The following SPATA6L variants were observed in gnomAD, a reference collection of about 807,000 sequenced individuals.
The protein encoded by SPATA6L is spermatogenesis associated 6-like protein.
SPATA6L carries 68 observed loss-of-function variants against 49.2 expected under a neutral mutation model. That is an observed-to-expected ratio of 1.38 (90% CI 1.14 to 1.69). SPATA6L has a LOEUF of 1.69. Among genes scored for constraint, SPATA6L ranks in the 40% most tolerant of loss-of-function variants. The pLI, the probability that SPATA6L is intolerant of heterozygous loss-of-function variation, is 0.00. For synonymous variants in SPATA6L, 198 were observed against 165.7 expected, an observed-to-expected ratio of 1.19 and a Z score of -1.50; for missense variants, 668 against 464.3, an observed-to-expected ratio of 1.44 and a Z score of -4.03.
intron 11 of SPATA6L, among the ~76,000 whole-genome samples, chr9:4,602,454 G>A (rs1465365779): frequency 1.3e-5 from 2 of 152,158 alleles, no homozygotes; most frequent in Non-Finnish European, 2.9e-5. Flanking sequence ...AAGGTGGGGA[G>A]CCCTGGCCAT....
At chr9:4,589,901 C>T (rs558097703) in intron 13 of SPATA6L, among the ~76,000 whole-genome samples, 1 of 152,112 alleles carries the variant, frequency 6.6e-6, no homozygotes, top group Non-Finnish European at 1.5e-5. Flanking sequence ...AGAAGCAGGC[C>T]TTGTTAAATT....
downstream of SPATA6L, among the ~76,000 whole-genome samples, chr9:4,595,199 C>T (rs892155533): frequency 5.3e-5 from 8 of 152,164 alleles, no homozygotes; most frequent in Admixed American, 6.5e-5. Flanking sequence ...CCCAGGCCAC[C>T]GGACTTAACC....
At chr9:4,646,595 T>C (rs1308896512) in intron 3 of SPATA6L, 29 of 948,052 alleles carry the variant, frequency 3.1e-5, no homozygotes, top group Non-Finnish European at 3.8e-5. Context: ...AATTATTAAG[T>C]TTTAAACTGT....
chr9:4,625,294 G>A (rs1443919453), intron 6 of SPATA6L, 33 bp downstream of exon 6: 8 of 1,594,216 alleles, frequency 5.0e-6, no homozygotes, highest in East Asian at 2.3e-5. Flanking sequence ...CCTCACTATT[G>A]CAAAATGCTC....
intron 9 of SPATA6L, among the ~76,000 whole-genome samples, chr9:4,615,787 A>G (rs1827846129): frequency 1.3e-5 from 2 of 152,164 alleles, no homozygotes; most frequent in South Asian, 2.1e-4. Context: ...CAGTTGCCCA[A>G]TAACAGCATG....
At chr9:4,648,574 C>A (rs1337933979) in intron 3 of SPATA6L, among the ~76,000 whole-genome samples, 3 of 151,776 alleles carry the variant, frequency 2.0e-5, no homozygotes, top group Non-Finnish European at 4.4e-5. Context: ...GTGGCGGGAG[C>A]CTGTGGTCCC....
At chr9:4,594,567 C>T (rs935177336), downstream of SPATA6L, among the ~76,000 whole-genome samples, 1 of 152,154 alleles carries the variant, frequency 6.6e-6, no homozygotes, top group African/African-American at 2.4e-5. Context: ...GGATCATAAA[C>T]ATTTCTTCTT....
intron 2 of SPATA6L, among the ~76,000 whole-genome samples, chr9:4,659,240 C>G (rs1381428145): frequency 1.3e-5 from 2 of 152,162 alleles, no homozygotes; most frequent in African/African-American, 4.8e-5. Flanking sequence ...GAAAATTGAT[C>G]TTCATCTCCA....
At chr9:4,606,391 T>A (rs1338115730) in intron 9 of SPATA6L, among the ~76,000 whole-genome samples, 1 of 112,172 alleles carries the variant, frequency 8.9e-6, no homozygotes, top group Admixed American at 9.8e-5. Context: ...CAGACTTAAA[T>A]GTCCCTGTCT....
chr9:4,638,057 T>A (rs1175426440), intron 3 of SPATA6L, among the ~76,000 whole-genome samples: 2 of 152,206 alleles, frequency 1.3e-5, no homozygotes, highest in Non-Finnish European at 2.9e-5. Flanking sequence ...AAGATAAATA[T>A]AATCAATGCC....
rs756902395 is a variant in SPATA6L at position 4,662,447 on chromosome 9, C to G, written c.40-411G>C. On this transcript the variant is annotated intron_variant, in intron 1 of 11. Transcript: ENST00000682582. This position sits in a 1 kb window ranked among gnomAD's most constrained non-coding sequence, Gnocchi z 4.9. ...CCGCTTCGAGCAGCAGCAGCAGCCC[C>G]GGCAGCCCAGCCCATGGCGGCGGTG... is the stretch of plus-strand genomic sequence containing the variant. 12 of 1,545,378 alleles carry G rather than the reference C, an allele frequency of 7.8e-6. No homozygotes were observed. The East Asian group carries it at 2.4e-4, about 31-fold the overall frequency.
At chr9:4,615,020 T>C (rs3824441) in intron 9 of SPATA6L, among the ~76,000 whole-genome samples, 12,203 of 152,184 alleles carry the variant, frequency 0.08, 658 homozygotes, top group East Asian at 0.27. Context: ...CTTTGAGTCC[T>C]GGCACTGACT....
At chr9:4,634,306 C>T (rs1005141924) in intron 4 of SPATA6L, among the ~76,000 whole-genome samples, 1 of 152,088 alleles carries the variant, frequency 6.6e-6, no homozygotes, top group East Asian at 1.9e-4. Context: ...TCACATGTAC[C>T]ATGGATTTAA....
At chr9:4,643,238 C>T (rs1834436533) in intron 3 of SPATA6L, among the ~76,000 whole-genome samples, 1 of 152,170 alleles carries the variant, frequency 6.6e-6, no homozygotes, top group South Asian at 2.1e-4. Context: ...AAACTCCTGA[C>T]CTCATGATCC....
rs1320948053 is a variant in SPATA6L at position 4,599,304 on chromosome 9, T to C, written c.*1507A>G. Among the ~76,000 whole-genome samples, 1 of 152,230 alleles carries C rather than the reference T, an allele frequency of 6.6e-6. No homozygotes were observed. Among genetic ancestry groups the C allele is most frequent in the Non-Finnish European group, 1.5e-5 (1 of 68,036 alleles). ...TGGGAGGTTCAACTTGGATATACCT[T>C]TATTTGGCTGAAATTCTAAGAAGAG... On this transcript the variant is annotated 3_prime_UTR_variant, in exon 12 of 12. Transcript: ENST00000682582.
chr9:4,662,615 G>T lies in SPATA6L; in HGVS notation c.40-579C>A. The T allele has an allele frequency of 6.3e-7, 1 of 1,595,616 alleles. No individual in the cohort carries two copies. The highest frequency in any genetic ancestry group is 1.1e-5 in the South Asian group (1 of 90,830). On this transcript the variant is annotated intron_variant, in intron 1 of 11. Coordinates refer to ENST00000682582, the MANE Select transcript of SPATA6L (RefSeq NM_001353486.2). This position sits in a 1 kb window ranked among gnomAD's most constrained non-coding sequence, Gnocchi z 4.9. Reference sequence around the variant, plus strand: ...CCCTGGCCGCGGCGGGCCCCTCGCAGTCGCCCGCGCCTCCGCTGCCCGAGG... The same window carrying T: ...CCCTGGCCGCGGCGGGCCCCTCGCATTCGCCCGCGCCTCCGCTGCCCGAGG...
chr9:4,642,278 T>C (rs367832560), intron 3 of SPATA6L, among the ~76,000 whole-genome samples: 2 of 152,344 alleles, frequency 1.3e-5, no homozygotes, highest in South Asian at 2.1e-4. Flanking sequence ...AGCAGTGATA[T>C]ATGTTTGAAC....
Position 4,604,175 on chromosome 9 carries a change from G to C in SPATA6L, c.*1+4C>G. On this transcript the variant is annotated splice_donor_region_variant and intron_variant, in intron 11 of 11. Transcript: ENST00000682582. The stretch of plus-strand genomic sequence containing the variant: ...TTAAGCTGCTTACTTACATAAGACA[G>C]TACCTTAAAAATATCTCTGTTCATG... 2 of 1,600,486 alleles carry C rather than the reference G, an allele frequency of 1.2e-6. No individual in the cohort carries two copies. Among genetic ancestry groups the C allele is most frequent in the South Asian group, 1.1e-5 (1 of 89,622 alleles).
At chr9:4,638,259 T>C (rs1320776209) in intron 3 of SPATA6L, among the ~76,000 whole-genome samples, 5 of 152,216 alleles carry the variant, frequency 3.3e-5, no homozygotes, top group Non-Finnish European at 7.3e-5. Context: ...TTGCCCAGAC[T>C]GGAGTGCAGT....
Sources: gnomAD v4.1 joint callset for allele counts (sites outside exome capture counted in the v4.1 genomes callset) on GRCh38, gnomAD v4.1.1 for gene constraint, Gnocchi (gnomAD v3.1) non-coding constraint, MANE v1.5 for transcripts, NCBI Gene and HGNC (gene_info 2026-07-23, HGNC 2026-07-21) for gene names.